The following BTBD10 variants were observed in gnomAD, a reference collection of about 807,000 sequenced individuals.
The protein encoded by BTBD10 is BTB/POZ domain-containing protein 10.
BTBD10 carries 21 observed loss-of-function variants against 53.2 expected under a neutral mutation model. The observed-to-expected ratio is 0.39, with a 90% CI of 0.28 to 0.57. The LOEUF (loss-of-function observed/expected upper bound fraction) is 0.57, where lower values mean the gene tolerates loss of function less well. Ranked by LOEUF, BTBD10 falls within the 20% of genes least tolerant of loss-of-function variation. The pLI, the probability that BTBD10 is intolerant of heterozygous loss-of-function variation, is 0.53. For synonymous variants in BTBD10, 149 were observed against 192.7 expected, an observed-to-expected ratio of 0.77 and a Z score of 1.88; for missense variants, 360 against 594.7, an observed-to-expected ratio of 0.61 and a Z score of 4.10.
At chr11:13,397,783 C>T (rs921296223) in intron 8 of BTBD10, among the ~76,000 whole-genome samples, 1 of 152,128 alleles carries the variant, frequency 6.6e-6, no homozygotes, top group Admixed American at 6.5e-5. Context: ...TTATGTCTGC[C>T]TTCATTTCGT....
At chr11:13,445,306 A>C in intron 1 of BTBD10, 125 bp from the exon 2 acceptor site, 1 of 408,430 alleles carries the variant, frequency 2.4e-6, no homozygotes, top group East Asian at 3.6e-5. Flanking sequence ...TAAAATACTA[A>C]CCATACAAAT....
chr11:13,421,262 C>T (rs1950237065), intron 3 of BTBD10, among the ~76,000 whole-genome samples: 1 of 152,108 alleles, frequency 6.6e-6, no homozygotes, highest in African/African-American at 2.4e-5. Context: ...AACATGATGG[C>T]TATTCTACCT....
At chr11:13,446,667 G>A (rs555683097) in intron 1 of BTBD10, among the ~76,000 whole-genome samples, 3 of 152,140 alleles carry the variant, frequency 2.0e-5, no homozygotes, top group African/African-American at 7.2e-5. Flanking sequence ...GAATGCTCCT[G>A]GAAAAGGAAG....
intron 8 of BTBD10, among the ~76,000 whole-genome samples, chr11:13,396,644 T>G (rs1242342912): frequency 6.6e-6 from 1 of 152,198 alleles, no homozygotes; most frequent in Non-Finnish European, 1.5e-5. Context: ...TGCTTCCAGT[T>G]TTTGCCCATT....
intron 8 of BTBD10, among the ~76,000 whole-genome samples, chr11:13,402,559 A>C (rs1451303360): frequency 1.3e-5 from 2 of 152,194 alleles, no homozygotes; most frequent in African/African-American, 4.8e-5. Context: ...TATATCAATT[A>C]AGACACTTTG....
intron 1 of BTBD10, among the ~76,000 whole-genome samples, chr11:13,451,373 G>A (rs541695587): frequency 6.6e-6 from 1 of 152,254 alleles, no homozygotes; most frequent in South Asian, 2.1e-4. Context: ...ACCACTAGCA[G>A]GTAAAGATTA....
intron 8 of BTBD10, among the ~76,000 whole-genome samples, chr11:13,396,448 A>G (rs1411892548): frequency 6.6e-6 from 1 of 152,136 alleles, no homozygotes; most frequent in Admixed American, 6.5e-5. Context: ...GGGCTGAGAC[A>G]ATGGGGTTTT....
chr11:13,405,010 C>A (rs968316862), intron 7 of BTBD10, among the ~76,000 whole-genome samples: 4 of 151,966 alleles, frequency 2.6e-5, no homozygotes, highest in Non-Finnish European at 4.4e-5. Context: ...TTTTTCAATT[C>A]TTCCTTATTT....
intron 2 of BTBD10, among the ~76,000 whole-genome samples, chr11:13,434,882 G>A (rs763568203): frequency 5.3e-5 from 8 of 152,156 alleles, no homozygotes; most frequent in Non-Finnish European, 1.0e-4. Context: ...TGTAGGAGGT[G>A]AGAGAAAAAG....
chr11:13,420,283 AAAAG>A (rs1306494412), intron 3 of BTBD10, among the ~76,000 whole-genome samples: 5 of 151,828 alleles, frequency 3.3e-5, no homozygotes, highest in African/African-American at 1.2e-4. Flanking sequence ...CCCCCACAAA[AAAAG>A]AAAGAAATTC....
rs563192514 is a variant in BTBD10, at chr11:13,410,158, A to T, written c.808+3372T>A. 4.3e-4 allele frequency among the ~76,000 whole-genome samples: 65 copies of T among 152,230 alleles called. 2 individuals are homozygous for T. Among genetic ancestry groups the T allele is most frequent in the Admixed American group, 2.1e-3 (32 of 15,282 alleles). On this transcript the variant is annotated intron_variant, in intron 6 of 8. Coordinates refer to ENST00000278174, the MANE Select transcript of BTBD10 (RefSeq NM_032320.7). ...CCCAAAAACAACTGAAATAAAATTT[A>T]AAAAAAATTAAAGTTGACACTTAGA...
At chr11:13,420,056 T>C (rs527524861) in intron 3 of BTBD10, among the ~76,000 whole-genome samples, 5 of 152,186 alleles carry the variant, frequency 3.3e-5, no homozygotes, top group East Asian at 3.9e-4. Flanking sequence ...CACTTAAAAA[T>C]AGAAACCCAA....
intron 6 of BTBD10, among the ~76,000 whole-genome samples, chr11:13,406,509 C>T (rs1225149423): frequency 6.6e-6 from 1 of 151,898 alleles, no homozygotes; most frequent in African/African-American, 2.4e-5. Flanking sequence ...GCTACTGCAT[C>T]AGCCTGGAGA....
At chr11:13,407,244 A>G (rs1949851135) in intron 6 of BTBD10, among the ~76,000 whole-genome samples, 1 of 152,152 alleles carries the variant, frequency 6.6e-6, no homozygotes. Context: ...TTCTCAGGAC[A>G]ATTTTAAGTT....
At chr11:13,389,333 ATCT>A (rs575183642) in intron 8 of BTBD10, among the ~76,000 whole-genome samples, 192 bp from the exon 9 acceptor site, 324 of 152,150 alleles carry the variant, frequency 2.1e-3, no homozygotes, top group Middle Eastern at 3.4e-3. Context: ...AATTCATAAA[ATCT>A]TCTATCATTC....
At chr11:13,396,301 A>G (rs186354410) in intron 8 of BTBD10, among the ~76,000 whole-genome samples, 22,857 of 152,132 alleles carry the variant, frequency 0.15, 1,978 homozygotes, top group Admixed American at 0.24. Flanking sequence ...CTTTGAAGCA[A>G]TTGTGAATGG....
At chr11:13,445,273 T>C in intron 1 of BTBD10, 92 bp from the exon 2 acceptor site, 1 of 477,442 alleles carries the variant, frequency 2.1e-6, no homozygotes, top group East Asian at 3.1e-5. Context: ...TTGTGACATA[T>C]TTTTAAAGTG....
chr11:13,393,139 G>A (rs923058376), intron 8 of BTBD10, among the ~76,000 whole-genome samples: 3 of 152,152 alleles, frequency 2.0e-5, no homozygotes, highest in Non-Finnish European at 4.4e-5. Flanking sequence ...ACACATTTGT[G>A]TTTAACAACA....
intron 2 of BTBD10, among the ~76,000 whole-genome samples, chr11:13,436,432 T>A (rs1950544650): frequency 6.6e-6 from 1 of 152,166 alleles, no homozygotes; most frequent in South Asian, 2.1e-4. Context: ...GACATAATCA[T>A]CTGGGCTGAA....
Sources: allele counts gnomAD v4.1 joint callset (sites outside exome capture counted in the v4.1 genomes callset), GRCh38; gene constraint gnomAD v4.1.1; transcripts MANE v1.5; gene names NCBI Gene and HGNC (gene_info 2026-07-23, HGNC 2026-07-21).